Variants in ZNF804B observed in about 807,000 individuals in gnomAD.
ZNF804B encodes zinc finger protein 804B.
ZNF804B carries 80 observed loss-of-function variants against 101.4 expected under a neutral mutation model. That is an observed-to-expected ratio of 0.79 (90% CI 0.66 to 0.95). The LOEUF (loss-of-function observed/expected upper bound fraction) is 0.95. Ranked by LOEUF, ZNF804B falls within the 40% of genes least tolerant of loss-of-function variation. The pLI is 0.00. For synonymous variants in ZNF804B, 622 were observed against 558.8 expected, an observed-to-expected ratio of 1.11 and a Z score of -1.59; for missense variants, 1,673 against 1,561.9, an observed-to-expected ratio of 1.07 and a Z score of -1.20.
chr7:89,212,558 G>A (rs34788266), intron 1 of ZNF804B, among the ~76,000 whole-genome samples: 18,570 of 152,076 alleles, frequency 0.12, 1,217 homozygotes, highest in Middle Eastern at 0.25. Flanking sequence ...GCAGTGAAAG[G>A]TAAGGTAAGT....
intron 1 of ZNF804B, among the ~76,000 whole-genome samples, chr7:88,782,903 A>G (rs960236898): frequency 2.0e-4 from 30 of 152,070 alleles, no homozygotes; most frequent in African/African-American, 6.8e-4. Context: ...CTCTTGGGGG[A>G]AGCATCATAC....
chr7:89,049,204 T>G (rs1489744981), intron 1 of ZNF804B, among the ~76,000 whole-genome samples: 1 of 152,214 alleles, frequency 6.6e-6, no homozygotes, highest in Non-Finnish European at 1.5e-5. Flanking sequence ...ATCAGCTTTT[T>G]TAGTACAAGG....
At chr7:89,182,605 G>T (rs181378127) in intron 1 of ZNF804B, among the ~76,000 whole-genome samples, 2 of 152,182 alleles carry the variant, frequency 1.3e-5, no homozygotes, top group Admixed American at 6.5e-5. Context: ...AAATAAACTT[G>T]CCCATTACTC....
chr7:88,909,657 TCTTGATTGCC>T (rs545141826), intron 1 of ZNF804B, among the ~76,000 whole-genome samples: 7 of 151,880 alleles, frequency 4.6e-5, no homozygotes, highest in Non-Finnish European at 7.4e-5. Flanking sequence ...CTTGGAGTTT[TCTTGATTGCC>T]TTGTTAATGC....
chr7:89,316,768 C>T (rs1790731680), intron 2 of ZNF804B, among the ~76,000 whole-genome samples: 1 of 152,154 alleles, frequency 6.6e-6, no homozygotes, highest in South Asian at 2.1e-4. Flanking sequence ...ATCCACACAA[C>T]CCACTCTTTT....
intron 1 of ZNF804B, among the ~76,000 whole-genome samples, chr7:88,788,443 T>G (rs10252806): frequency 0.37 from 56,666 of 151,918 alleles, 13,580 homozygotes; most frequent in East Asian, 0.7. Flanking sequence ...CCACCCCACC[T>G]CTTTTCATTC....
At chr7:89,123,518 T>C (rs1790435112) in intron 1 of ZNF804B, among the ~76,000 whole-genome samples, 1 of 152,192 alleles carries the variant, frequency 6.6e-6, no homozygotes, top group African/African-American at 2.4e-5. Context: ...TGCTAAGCAT[T>C]GTGCTAGAAA....
At chr7:88,801,067 T>A (rs1176844261) in intron 1 of ZNF804B, among the ~76,000 whole-genome samples, 4 of 152,036 alleles carry the variant, frequency 2.6e-5, no homozygotes, top group African/African-American at 9.7e-5. Flanking sequence ...TTTATTTTAT[T>A]TCCATAGGTT....
chr7:89,015,915 G>A (rs1788547326), intron 1 of ZNF804B, among the ~76,000 whole-genome samples: 1 of 150,916 alleles, frequency 6.6e-6, no homozygotes, highest in Non-Finnish European at 1.5e-5. Context: ...TCGCCACACT[G>A]ACTTCCACAA....
chr7:88,911,278 T>A (rs191814913), intron 1 of ZNF804B, among the ~76,000 whole-genome samples: 1 of 151,944 alleles, frequency 6.6e-6, no homozygotes, highest in African/African-American at 2.4e-5. Context: ...TGATGCTTTT[T>A]TTAATGACAT....
intron 1 of ZNF804B, among the ~76,000 whole-genome samples, chr7:88,849,819 G>A (rs1470809947): frequency 6.6e-6 from 1 of 151,306 alleles, no homozygotes; most frequent in African/African-American, 2.4e-5. Flanking sequence ...AAAAATAATT[G>A]CAAGGTTATT....
chr7:88,872,875 G>C (rs1483980834), intron 1 of ZNF804B, among the ~76,000 whole-genome samples: 2 of 151,038 alleles, frequency 1.3e-5, no homozygotes, highest in East Asian at 1.9e-4. Context: ...ATCATTGTTG[G>C]ACATTTGGGT....
chr7:89,009,289 A>T (rs1242072260), intron 1 of ZNF804B, among the ~76,000 whole-genome samples: 1 of 152,138 alleles, frequency 6.6e-6, no homozygotes, highest in African/African-American at 2.4e-5. Flanking sequence ...ATTTCTAATC[A>T]TTCTCAATAT....
chr7:89,055,777 A>T (rs955642100), intron 1 of ZNF804B, among the ~76,000 whole-genome samples: 2 of 152,050 alleles, frequency 1.3e-5, no homozygotes, highest in Non-Finnish European at 2.9e-5. Context: ...TTTGCTGCAA[A>T]AAATCAATCA....
intron 2 of ZNF804B, among the ~76,000 whole-genome samples, chr7:89,254,710 A>C (rs1426134305): frequency 6.6e-6 from 1 of 151,520 alleles, no homozygotes; most frequent in African/African-American, 2.4e-5. Flanking sequence ...TGGTGGCACA[A>C]TCTTGGCTCA....
intron 1 of ZNF804B, among the ~76,000 whole-genome samples, chr7:89,002,333 A>G (rs1788302931): frequency 6.6e-6 from 1 of 151,834 alleles, no homozygotes; most frequent in Admixed American, 6.6e-5. Flanking sequence ...ATAGTTAAAA[A>G]TTTTTGAGAA....
intron 1 of ZNF804B, among the ~76,000 whole-genome samples, chr7:89,013,133 A>G (rs1220403619): frequency 6.6e-6 from 1 of 152,138 alleles, no homozygotes. Context: ...CCCTTGACAC[A>G]TGGAAATTAT....
At chr7:89,007,807 A>G (rs1366262041) in intron 1 of ZNF804B, among the ~76,000 whole-genome samples, 1 of 151,324 alleles carries the variant, frequency 6.6e-6, no homozygotes, top group Non-Finnish European at 1.5e-5. Context: ...GAGATTCAGT[A>G]AAATCTTAGG....
intron 1 of ZNF804B, among the ~76,000 whole-genome samples, chr7:89,127,012 A>G (rs751010549): frequency 1.2e-4 from 11 of 91,218 alleles, no homozygotes; most frequent in Non-Finnish European, 2.2e-4. Flanking sequence ...GCAGCCTACA[A>G]AGACAAAGAA....
Sources: gnomAD v4.1 joint callset for allele counts (sites outside exome capture counted in the v4.1 genomes callset) on GRCh38, gnomAD v4.1.1 for gene constraint, MANE v1.5 for transcripts, NCBI Gene and HGNC (gene_info 2026-07-23, HGNC 2026-07-21) for gene names.